TBC1D1: variants seen among roughly 807,000 people sequenced by gnomAD.
The protein encoded by TBC1D1 is TBC1 (tre-2/USP6, BUB2, cdc16) domain family, member 1.
In TBC1D1, 89 loss-of-function variants were observed where a neutral mutation model predicts 125.6. The ratio of observed to expected loss-of-function variants is 0.71; its 90% CI spans 0.60 to 0.85. TBC1D1 has a LOEUF of 0.85. TBC1D1 is among the 40% of genes least tolerant of loss of function. The pLI is 0.00. For missense variants in TBC1D1, 1,377 were observed against 1,469.2 expected (o/e 0.94, Z 1.03); for synonymous variants, 565 against 564.1 (o/e 1.00, Z -0.02).
At chr4:37,911,113 G>A (rs6835603) in intron 2 of TBC1D1, among the ~76,000 whole-genome samples, 1,581 of 145,514 alleles carry the variant, frequency 0.011, 28 homozygotes, top group African/African-American at 0.038. Flanking sequence ...CAGAGTGACC[G>A]TAGGTTCTCC....
intron 2 of TBC1D1, among the ~76,000 whole-genome samples, chr4:37,936,181 A>G (rs568688451): frequency 6.6e-4 from 101 of 152,330 alleles, no homozygotes; most frequent in African/African-American, 2.2e-3. Flanking sequence ...CATACCATAT[A>G]TAATATGTTT....
chr4:38,116,043 C>T (rs776708720), intron 16 of TBC1D1, 89 bp downstream of exon 18: 117 of 1,432,576 alleles, frequency 8.2e-5, no homozygotes, highest in Non-Finnish European at 1.0e-4. Context: ...GCTTTTTCAC[C>T]GTCAGGTAAC....
At chr4:38,062,782 G>A (rs1261125952) in intron 12 of TBC1D1, among the ~76,000 whole-genome samples, 2 of 152,206 alleles carry the variant, frequency 1.3e-5, no homozygotes, top group East Asian at 1.9e-4. Flanking sequence ...AACCTCCGGC[G>A]TTTAAACAGC....
At chr4:38,075,344 G>A (rs1007039701) in intron 12 of TBC1D1, among the ~76,000 whole-genome samples, 3 of 152,110 alleles carry the variant, frequency 2.0e-5, no homozygotes, top group African/African-American at 4.8e-5. Flanking sequence ...ACACAAACCC[G>A]AGTTCCCCAC....
chr4:37,975,006 G>C (rs1732786214), intron 2 of TBC1D1, among the ~76,000 whole-genome samples: 1 of 152,210 alleles, frequency 6.6e-6, no homozygotes, highest in Non-Finnish European at 1.5e-5. Context: ...AGAGAGTGTA[G>C]AAATAAAGAC....
intron 2 of TBC1D1, among the ~76,000 whole-genome samples, chr4:37,957,375 T>A (rs551467100): frequency 3.3e-4 from 50 of 152,314 alleles, no homozygotes; most frequent in Non-Finnish European, 5.0e-4. Context: ...ATCCTAACAC[T>A]TTGGGAAGCC....
chr4:37,934,652 G>T (rs950466615), intron 2 of TBC1D1, among the ~76,000 whole-genome samples: 1 of 152,180 alleles, frequency 6.6e-6, no homozygotes. Context: ...GGCCAGCAGA[G>T]AGAGTCTGCA....
intron 2 of TBC1D1, among the ~76,000 whole-genome samples, chr4:37,916,231 T>G (rs1202690891): frequency 6.6e-6 from 1 of 152,192 alleles, no homozygotes; most frequent in Non-Finnish European, 1.5e-5. Flanking sequence ...TTTACTGTCT[T>G]ATTTGTAGAA....
intron 2 of TBC1D1, among the ~76,000 whole-genome samples, chr4:37,946,460 A>G (rs1159297472): frequency 2.0e-5 from 3 of 152,362 alleles, no homozygotes; most frequent in South Asian, 2.1e-4. Context: ...ATGTACACTT[A>G]TTACATATGT....
At chr4:37,952,158 C>T (rs1728016514) in intron 2 of TBC1D1, 4 of 706,916 alleles carry the variant, frequency 5.7e-6, no homozygotes, top group Non-Finnish European at 1.0e-5. Flanking sequence ...GCTTCTAGTT[C>T]ATCCCAGTGG....
intron 15 of TBC1D1, among the ~76,000 whole-genome samples, chr4:38,107,798 G>A (rs1402651020): frequency 2.0e-5 from 3 of 151,994 alleles, no homozygotes; most frequent in Non-Finnish European, 4.4e-5. Context: ...CCCACATTGC[G>A]AGTTACTCAG....
At chr4:38,039,936 A>ATT in intron 8 of TBC1D1, among the ~76,000 whole-genome samples, 1 of 149,980 alleles carries the variant, frequency 6.7e-6, no homozygotes, top group Non-Finnish European at 1.5e-5. Context: ...CAATATAGCG[A>ATT]GACCCCCATC....
intron 7 of TBC1D1, among the ~76,000 whole-genome samples, chr4:38,033,215 G>A (rs1299322461): frequency 1.3e-5 from 2 of 152,114 alleles, no homozygotes; most frequent in African/African-American, 4.8e-5. Flanking sequence ...TTTTGAAATA[G>A]ATGATGATGA....
intron 2 of TBC1D1, among the ~76,000 whole-genome samples, chr4:37,939,345 T>C (rs889780569): frequency 5.9e-5 from 9 of 152,260 alleles, no homozygotes; most frequent in Non-Finnish European, 1.3e-4. Flanking sequence ...TGTCTGTTCC[T>C]ATCCTTTGCC....
Position 38,044,878 on chromosome 4 carries a change from G to A in TBC1D1, c.1542+388G>A, listed in dbSNP as rs953941850. Among the ~76,000 whole-genome samples, 3 of 152,300 alleles carry A rather than the reference G, an allele frequency of 2.0e-5. No homozygotes were observed. The South Asian group carries it at 6.2e-4, about 32-fold the overall frequency. ...TGTTAGCTATCTAAAAGGCTATATA[G>A]TAGGGGTCAGCAAACTATGCCCATG... On this transcript the variant is annotated intron_variant, in intron 9 of 19. Coordinates refer to ENST00000261439, the MANE Select transcript of TBC1D1 (RefSeq NM_015173.4).
chr4:37,972,542 C>T (rs1049025348), intron 2 of TBC1D1, among the ~76,000 whole-genome samples: 1 of 150,418 alleles, frequency 6.6e-6, no homozygotes, highest in Non-Finnish European at 1.5e-5. Flanking sequence ...TTCAGGGTAG[C>T]ATATGCAGTT....
chr4:38,017,305 C>T (rs557977067), intron 3 of TBC1D1, among the ~76,000 whole-genome samples: 1 of 152,310 alleles, frequency 6.6e-6, no homozygotes, highest in Admixed American at 6.5e-5. Context: ...ATTGTGTTGG[C>T]TCCTACTCTA....
intron 12 of TBC1D1, among the ~76,000 whole-genome samples, chr4:38,069,832 G>A (rs566429299): frequency 8.6e-5 from 13 of 151,992 alleles, no homozygotes; most frequent in African/African-American, 2.9e-4. Context: ...TGTCCAACCC[G>A]CGGCCTGCTT....
intron 2 of TBC1D1, chr4:37,996,250 G>A (rs1008506786): frequency 2.6e-5 from 7 of 272,350 alleles, no homozygotes; most frequent in East Asian, 1.6e-4. Context: ...CCAGTCGCCC[G>A]GGCTTTCGCA....
Sources: gnomAD v4.1 joint callset for allele counts (sites outside exome capture counted in the v4.1 genomes callset) on GRCh38, gnomAD v4.1.1 for gene constraint, MANE v1.5 for transcripts, NCBI Gene and HGNC (gene_info 2026-07-23, HGNC 2026-07-21) for gene names.